SYNRG: variants seen among roughly 807,000 people sequenced by gnomAD.
The protein encoded by SYNRG is AP1 gamma subunit binding protein 1.
SYNRG carries 37 observed loss-of-function variants against 130.9 expected under a neutral mutation model. That is an observed-to-expected ratio of 0.28 (90% confidence interval 0.22 to 0.37). SYNRG has a LOEUF of 0.37. SYNRG is among the 10% of genes least tolerant of loss of function. The pLI is 1.00. For synonymous variants in SYNRG, 539 were observed against 568.1 expected, an observed-to-expected ratio of 0.95 and a Z score of 0.73; for missense variants, 1,338 against 1,588.9, an observed-to-expected ratio of 0.84 and a Z score of 2.68.
chr17:37,531,603 C>A (rs1343185786), intron 19 of SYNRG, among the ~76,000 whole-genome samples: 1 of 151,994 alleles, frequency 6.6e-6, no homozygotes, highest in African/African-American at 2.4e-5. Flanking sequence ...ATGGCAAAAC[C>A]CTGTCTTTAC....
chr17:37,551,026 T>C (rs2058672285), intron 14 of SYNRG, among the ~76,000 whole-genome samples: 1 of 152,204 alleles, frequency 6.6e-6, no homozygotes, highest in Non-Finnish European at 1.5e-5. Flanking sequence ...CAAATGATTA[T>C]AGCAAGAGTT....
chr17:37,564,708 ATC>A (rs1191955454), intron 11 of SYNRG, among the ~76,000 whole-genome samples: 3 of 152,188 alleles, frequency 2.0e-5, no homozygotes, highest in African/African-American at 7.2e-5. Context: ...GATTTAACAA[ATC>A]TCTTTTTAAA....
chr17:37,595,556 G>T (rs2062688355), intron 3 of SYNRG, among the ~76,000 whole-genome samples: 1 of 152,066 alleles, frequency 6.6e-6, no homozygotes, highest in African/African-American at 2.4e-5. Context: ...CACTACCTGG[G>T]TGATGGGTTC....
At chr17:37,533,502 G>T (rs188607767) in intron 19 of SYNRG, among the ~76,000 whole-genome samples, 2 of 150,994 alleles carry the variant, frequency 1.3e-5, no homozygotes, top group Admixed American at 6.6e-5. Flanking sequence ...GAGGTCAGAA[G>T]TTCAAAAGTG....
Position 37,584,569 on chromosome 17 carries a change from TATA to T in SYNRG, c.589+76_589+78del, listed in dbSNP as rs1568481790. The T allele has an allele frequency of 8.0e-6, 9 of 1,121,380 alleles. No homozygotes were observed. In the South Asian group the frequency reaches 9.1e-5, roughly 11 times the overall value. The allele number at this position is 1,121,380 out of a possible 1,614,324, so 69.5% of individuals were successfully genotyped here. On this transcript the variant is annotated intron_variant, in intron 6 of 21. Coordinates refer to ENST00000612223, the MANE Select transcript of SYNRG (RefSeq NM_007247.6). ...TCTACATTGACTTTTCACACACACA[TATA>T]ATGGCGAGGTAAAGAAACAGGGACT... is the stretch of plus-strand genomic sequence containing the variant.
Position 37,577,484 on chromosome 17 carries a change from C to G in SYNRG, c.719G>C (p.Ser240Thr). The change falls in exon 7 of 22, where the codon AGT becomes ACT. Residue 240 changes from serine to threonine, a missense_variant. Physicochemically the swap from Ser to Thr is moderately conservative, Grantham distance 58. This residue lies in a region of SYNRG where 1,146 missense variants were observed against 1,342.3 expected (regional missense o/e 0.85). Coordinates refer to ENST00000612223, the MANE Select transcript of SYNRG (RefSeq NM_007247.6). ...LGPGSSKKYPSLMASNGVAVD... is the reference protein window; with the variant it reads ...LGPGSSKKYPTLMASNGVAVD... ...AGCAACCCCGTTACTGGCCATTAAACTGGGATACTTCTTACTGGAACCTGG... is the reference window on the plus strand; with the variant it reads ...AGCAACCCCGTTACTGGCCATTAAAGTGGGATACTTCTTACTGGAACCTGG... The G allele has an allele frequency of 1.2e-6, 2 of 1,614,134 alleles. No individual in the cohort carries two copies. The highest frequency in any genetic ancestry group is 1.3e-5 in the African/African-American group (1 of 75,020).
chr17:37,599,852 T>C (rs1188617139), intron 2 of SYNRG, among the ~76,000 whole-genome samples: 4 of 152,222 alleles, frequency 2.6e-5, no homozygotes, highest in African/African-American at 9.6e-5. Flanking sequence ...TACTATCATA[T>C]AGATAAAAAA....
intron 6 of SYNRG, among the ~76,000 whole-genome samples, chr17:37,581,296 G>A (rs1039338710): frequency 1.4e-5 from 2 of 143,068 alleles, no homozygotes. Flanking sequence ...TTATTATTAT[G>A]ATACTGGGTC....
At chr17:37,528,463 G>A (rs762846068) in intron 19 of SYNRG, among the ~76,000 whole-genome samples, 20 of 152,176 alleles carry the variant, frequency 1.3e-4, no homozygotes, top group Admixed American at 1.2e-3. Context: ...AGTAGTAGTA[G>A]TAATAATAGT....
In SYNRG at chr17:37,570,768, G is replaced by T. The variant is rs557937693; in HGVS notation, c.1216C>A (p.Pro406Thr). Residue 406 changes from proline to threonine, a missense_variant, in exon 10 of 22, where the codon CCT (proline) becomes ACT (threonine). Pro to Thr is a conservative substitution (Grantham distance 38, BLOSUM62 -1). Around this residue, in one of 3 missense-constraint regions of SYNRG, gnomAD observed 1,146 missense variants for 1,342.3 expected, o/e 0.85. Coordinates refer to ENST00000612223, the MANE Select transcript of SYNRG (RefSeq NM_007247.6). ...PTPVSQPTVI[P>T]SGPAGSMPLS... ...GGCATGGAGCCCGCAGGACCTGAAGGTATCACAGTTGGCTGACTCACCGGT... is the reference window on the plus strand; with the variant it reads ...GGCATGGAGCCCGCAGGACCTGAAGTTATCACAGTTGGCTGACTCACCGGT... 233 of 1,614,180 alleles carry T rather than the reference G, an allele frequency of 1.4e-4. 3 individuals carry two copies. In the South Asian group the frequency reaches 1.7e-3, roughly 12 times the overall value.
At chr17:37,597,430 C>T (rs1477995671) in intron 2 of SYNRG, among the ~76,000 whole-genome samples, 1 of 152,178 alleles carries the variant, frequency 6.6e-6, no homozygotes, top group Non-Finnish European at 1.5e-5. Context: ...AACAAAATAA[C>T]AGTTAGGAGC....
At chr17:37,555,318 G>T (rs2059033915) in intron 13 of SYNRG, among the ~76,000 whole-genome samples, 2 of 152,062 alleles carry the variant, frequency 1.3e-5, no homozygotes, top group South Asian at 4.1e-4. Flanking sequence ...GTAGAGACGG[G>T]GTTTCACCAC....
chr17:37,584,549 A>G (rs752509795), intron 6 of SYNRG, 99 bp downstream of exon 6: 2 of 943,788 alleles, frequency 2.1e-6, no homozygotes, highest in Middle Eastern at 2.2e-4. Context: ...AGAGTTCTAC[A>G]TTGACTTTTC....
At chr17:37,594,623 G>A (rs536248639) in intron 3 of SYNRG, among the ~76,000 whole-genome samples, 77 of 151,944 alleles carry the variant, frequency 5.1e-4, no homozygotes, top group South Asian at 1.5e-3. Flanking sequence ...CACCACGCCC[G>A]GCTAATTTTT....
intron 19 of SYNRG, among the ~76,000 whole-genome samples, chr17:37,521,546 T>C (rs1434455179): frequency 1.3e-5 from 2 of 151,934 alleles, no homozygotes; most frequent in Admixed American, 6.6e-5. Flanking sequence ...GCACGAGGAC[T>C]CCAAGGAAGA....
intron 11 of SYNRG, among the ~76,000 whole-genome samples, chr17:37,563,041 G>T (rs892278647): frequency 9.2e-5 from 14 of 151,974 alleles, no homozygotes; most frequent in African/African-American, 3.4e-4. Context: ...ACTGCTTGCT[G>T]ATTAAAGTCA....
At chr17:37,532,794 C>T (rs1470976144) in intron 19 of SYNRG, among the ~76,000 whole-genome samples, 2 of 151,642 alleles carry the variant, frequency 1.3e-5, no homozygotes, top group Non-Finnish European at 2.9e-5. Flanking sequence ...TTTGCTCATA[C>T]GTTACTGGGA....
At chr17:37,551,864 G>C (rs1386153877) in intron 14 of SYNRG, among the ~76,000 whole-genome samples, 1 of 137,750 alleles carries the variant, frequency 7.3e-6, no homozygotes, top group Non-Finnish European at 1.5e-5. Flanking sequence ...GAAAATTTCT[G>C]AGGAAAAGTA....
chr17:37,600,751 T>C (rs142903477), intron 1 of SYNRG: 6 of 371,828 alleles, frequency 1.6e-5, no homozygotes, highest in African/African-American at 6.3e-5. Context: ...AATGATGGAA[T>C]CTTATAATCA....
Sources: allele counts gnomAD v4.1 joint callset (sites outside exome capture counted in the v4.1 genomes callset), GRCh38; gene constraint gnomAD v4.1.1; regional missense constraint gnomAD v4.1.1; transcripts MANE v1.5; gene names NCBI Gene and HGNC (gene_info 2026-07-23, HGNC 2026-07-21).